Variants in MAOA observed in about 807,000 individuals in gnomAD.
The protein encoded by MAOA is amine oxidase [flavin-containing] A.
In MAOA, 6 loss-of-function variants were observed where a neutral mutation model predicts 42.0. The observed-to-expected ratio is 0.14, with a 90% CI of 0.08 to 0.28. MAOA has a LOEUF of 0.28. Ranked by LOEUF, MAOA falls within the 10% of genes least tolerant of loss-of-function variation. The pLI, the probability that MAOA is intolerant of heterozygous loss-of-function variation, is 1.00. For synonymous variants in MAOA, 140 were observed against 154.0 expected (o/e 0.91, Z 0.67); for missense variants, 262 against 422.3 (o/e 0.62, Z 3.33).
At chrX:43,734,457 G>C (rs1055802311) in intron 9 of MAOA, among the ~76,000 whole-genome samples, 1 of 111,237 alleles carries the variant, frequency 9.0e-6, no homozygotes, top group East Asian at 2.8e-4. Flanking sequence ...TTATTAACTA[G>C]GTTAGGGCTC....
intron 2 of MAOA, among the ~76,000 whole-genome samples, chrX:43,684,874 C>CTTTTCTTTTTTTTTTTTTTTT (rs2033473019): frequency 1.7e-5 from 1 of 59,638 alleles, no homozygotes; most frequent in East Asian, 5.0e-4. Flanking sequence ...CTTTTCTTTT[C>CTTTTCTTTTTTTTTTTTTTTT]TTTTTTTTTT....
At chrX:43,683,430 C>A (rs1377973073) in intron 1 of MAOA, 83 bp from the exon 2 acceptor site, 1 of 670,788 alleles carries the variant, frequency 1.5e-6, no homozygotes. Context: ...TGATACCCTG[C>A]ATTTATTTGA....
chrX:43,728,839 T>C, intron 6 of MAOA, among the ~76,000 whole-genome samples: 1 of 113,042 alleles, frequency 8.8e-6, no homozygotes, highest in South Asian at 3.6e-4. Context: ...CCCACTTGAA[T>C]TTGCCCAGTT....
At chrX:43,710,412 C>T (rs575854039) in intron 3 of MAOA, among the ~76,000 whole-genome samples, 5 of 112,620 alleles carry the variant, frequency 4.4e-5, no homozygotes, top group South Asian at 7.3e-4. Context: ...TATTCTTACT[C>T]AGTTAGGAGG....
At chrX:43,717,249 C>T (rs1279246819) in intron 5 of MAOA, among the ~76,000 whole-genome samples, 4 of 110,724 alleles carry the variant, frequency 3.6e-5, no homozygotes, top group Non-Finnish European at 5.7e-5. Flanking sequence ...GGAGTGATAC[C>T]AAAATGACCC....
At chrX:43,737,807 G>A (rs1283361299) in intron 10 of MAOA, among the ~76,000 whole-genome samples, 1 of 111,713 alleles carries the variant, frequency 9.0e-6, no homozygotes, top group African/African-American at 3.3e-5. Context: ...AAAGTCTGGA[G>A]TAGCATATAG....
intron 12 of MAOA, 23 bp downstream of exon 12, chrX:43,742,070 A>G (rs369743972): frequency 2.5e-6 from 3 of 1,209,184 alleles, no homozygotes; most frequent in African/African-American, 1.7e-5. Context: ...CACTACGCCA[A>G]TTAATCCAAG....
At chrX:43,695,543 C>A (rs928442246) in intron 3 of MAOA, among the ~76,000 whole-genome samples, 2 of 110,367 alleles carry the variant, frequency 1.8e-5, no homozygotes, top group Admixed American at 1.9e-4. Flanking sequence ...CCAGCCTGGG[C>A]AACATAGTGA....
intron 5 of MAOA, among the ~76,000 whole-genome samples, chrX:43,720,432 G>A (rs2033779925): frequency 9.1e-6 from 1 of 110,074 alleles, no homozygotes; most frequent in South Asian, 4.0e-4. Flanking sequence ...GTGGTAGGGA[G>A]AGACAGGAAG....
At chrX:43,661,940 T>G (rs1261000100) in intron 1 of MAOA, among the ~76,000 whole-genome samples, 1 of 111,657 alleles carries the variant, frequency 9.0e-6, no homozygotes, top group Non-Finnish European at 1.9e-5. Flanking sequence ...GAATGAATTT[T>G]TCTTATCTTC....
chrX:43,657,428 C>A (rs1469407768), intron 1 of MAOA, among the ~76,000 whole-genome samples: 1 of 108,941 alleles, frequency 9.2e-6, no homozygotes, highest in Admixed American at 9.9e-5. Context: ...GAGCTCCCAC[C>A]ACCTGAATCT....
rs752853420 is a variant in MAOA at position 43,744,377 on chromosome X, C to T, written c.1448C>T (p.Ala483Val). 1.7e-5 allele frequency: 21 copies of T among 1,208,742 alleles called. No individual in the cohort carries two copies. In the South Asian group the frequency reaches 2.5e-4, roughly 14 times the overall value. ...VQEPESKDVP[A>V]VEITHTFWER... ...TGTTCCTTCATCTAGGACGTTCCAG[C>T]GGTAGAAATCACCCACACCTTCTGG... Residue 483 changes from alanine to valine, a missense_variant, in exon 15 of 15, where the codon GCG (alanine) becomes GTG (valine). By Grantham distance (64) the Ala-to-Val change is moderately conservative. Around this residue, in one of 3 missense-constraint regions of MAOA, gnomAD observed 35 missense variants for 36.4 expected, o/e 0.96. Coordinates refer to ENST00000338702, the MANE Select transcript of MAOA (RefSeq NM_000240.4).
In MAOA at chrX:43,742,369, G is replaced by A. The variant is rs1320264922; in HGVS notation, c.1262+322G>A. ...CATTTAGTCTCACATGACTGCCTTAGGCTCCTTGGCACCAGTCAACACAGA... is the reference window on the plus strand; with the variant it reads ...CATTTAGTCTCACATGACTGCCTTAAGCTCCTTGGCACCAGTCAACACAGA... On this transcript the variant is annotated intron_variant, in intron 12 of 14. Coordinates refer to ENST00000338702, the MANE Select transcript of MAOA (RefSeq NM_000240.4). Among the ~76,000 whole-genome samples, 5 of 112,229 alleles carry A rather than the reference G, an allele frequency of 4.5e-5. No individual in the cohort carries two copies. The Admixed American group carries it at 4.7e-4, about 11-fold the overall frequency.
intron 8 of MAOA, among the ~76,000 whole-genome samples, chrX:43,732,445 AT>A (rs1178018935): frequency 9.1e-6 from 1 of 110,441 alleles, no homozygotes; most frequent in Non-Finnish European, 1.9e-5. Context: ...TTATCTTACC[AT>A]TTTTGTCATG....
At chrX:43,738,441 C>T (rs1380425471) in intron 10 of MAOA, among the ~76,000 whole-genome samples, 1 of 111,840 alleles carries the variant, frequency 8.9e-6, no homozygotes, top group Non-Finnish European at 1.9e-5. Context: ...TTTTAACATT[C>T]ATGAATGAAA....
At chrX:43,697,152 C>A (rs1359837699) in intron 3 of MAOA, among the ~76,000 whole-genome samples, 1 of 112,394 alleles carries the variant, frequency 8.9e-6, no homozygotes, top group Non-Finnish European at 1.9e-5. Context: ...GGCCCAGTAA[C>A]CTGCCTAAGA....
At chrX:43,717,146 C>G (rs750740312) in intron 5 of MAOA, among the ~76,000 whole-genome samples, 2 of 110,198 alleles carry the variant, frequency 1.8e-5, no homozygotes, top group African/African-American at 6.6e-5. Flanking sequence ...TAAGGGTAAA[C>G]AGGACAAGGT....
intron 1 of MAOA, among the ~76,000 whole-genome samples, chrX:43,657,066 T>A (rs1601921494): frequency 2.1e-5 from 2 of 94,180 alleles, no homozygotes; most frequent in African/African-American, 8.1e-5. Context: ...GAAGAGGGGG[T>A]GAGCTCTTAA....
At chrX:43,722,016 A>C (rs111957014) in intron 5 of MAOA, among the ~76,000 whole-genome samples, 226 of 111,777 alleles carry the variant, frequency 2.0e-3, no homozygotes, top group African/African-American at 7.0e-3. Flanking sequence ...AAAGGACATG[A>C]ACTCATCCTT....
Sources: allele counts gnomAD v4.1 joint callset (sites outside exome capture counted in the v4.1 genomes callset), GRCh38; gene constraint gnomAD v4.1.1; regional missense constraint gnomAD v4.1.1; transcripts MANE v1.5; gene names NCBI Gene and HGNC (gene_info 2026-07-23, HGNC 2026-07-21).